MYOCD: variants seen among roughly 807,000 people sequenced by gnomAD.
MYOCD encodes the protein myocardin.
A neutral mutation model predicts 96.1 loss-of-function variants in MYOCD; 32 were observed. That is an observed-to-expected ratio of 0.33 (90% CI 0.25 to 0.45). The LOEUF (loss-of-function observed/expected upper bound fraction) is 0.45, where lower values mean the gene tolerates loss of function less well. MYOCD is among the 20% of genes least tolerant of loss of function. The pLI, the probability that MYOCD is intolerant of heterozygous loss-of-function variation, is 1.00. For missense variants in MYOCD, 1,133 were observed against 1,200.6 expected (o/e 0.94, Z 0.83); for synonymous variants, 469 against 469.0 (o/e 1.00, Z 0.00).
intron 1 of MYOCD, among the ~76,000 whole-genome samples, chr17:12,672,554 T>C (rs1433288845): frequency 1.3e-5 from 2 of 152,186 alleles, no homozygotes; most frequent in African/African-American, 2.4e-5. Flanking sequence ...TCCCCAGAAA[T>C]TTAGAATAAA....
intron 5 of MYOCD, among the ~76,000 whole-genome samples, chr17:12,725,810 T>C (rs1391919725): frequency 3.3e-5 from 5 of 152,084 alleles, no homozygotes. Context: ...TAGCCTTTGG[T>C]ATAGGATAGA....
intron 5 of MYOCD, among the ~76,000 whole-genome samples, chr17:12,730,446 C>CAAA (rs374306460): frequency 1.4e-5 from 1 of 70,536 alleles, no homozygotes; most frequent in African/African-American, 4.7e-5. Flanking sequence ...AACTCCATCT[C>CAAA]AAAAAAAAAA....
At chr17:12,709,499 C>A (rs1033712357) in intron 2 of MYOCD, among the ~76,000 whole-genome samples, 26 of 152,180 alleles carry the variant, frequency 1.7e-4, no homozygotes, top group Admixed American at 9.8e-4. Flanking sequence ...GGTTCTCAGA[C>A]CAGGTGCATT....
At chr17:12,754,344 C>T (rs913619976) in intron 10 of MYOCD, among the ~76,000 whole-genome samples, 5 of 152,298 alleles carry the variant, frequency 3.3e-5, no homozygotes, top group East Asian at 1.9e-4. Flanking sequence ...CCTCGTGATC[C>T]GCCCGCCTTG....
At chr17:12,762,929 T>C (rs909630753) in intron 13 of MYOCD, 144 bp from the exon 14 acceptor site, 7 of 641,698 alleles carry the variant, frequency 1.1e-5, no homozygotes, top group Non-Finnish European at 1.9e-5. Flanking sequence ...TGGAGATTGA[T>C]AGAGCAGCTT....
intron 12 of MYOCD, among the ~76,000 whole-genome samples, chr17:12,759,331 GACA>G (rs1473606673): frequency 1.3e-5 from 2 of 152,194 alleles, no homozygotes; most frequent in African/African-American, 4.8e-5. Flanking sequence ...ACTGCTGCGA[GACA>G]ACAATTGCCT....
At chr17:12,677,082 C>T (rs752638047) in intron 1 of MYOCD, among the ~76,000 whole-genome samples, 5 of 152,216 alleles carry the variant, frequency 3.3e-5, no homozygotes, top group East Asian at 3.9e-4. Flanking sequence ...TAAAAAAGAA[C>T]GAGATCATGT....
intron 1 of MYOCD, among the ~76,000 whole-genome samples, chr17:12,690,461 G>A (rs182783443): frequency 6.4e-4 from 98 of 152,050 alleles, no homozygotes; most frequent in Admixed American, 3.5e-3. Flanking sequence ...AGGAAAAAGG[G>A]ATTAAATAGA....
chr17:12,668,504 C>T (rs1217944761), intron 1 of MYOCD, among the ~76,000 whole-genome samples: 1 of 152,206 alleles, frequency 6.6e-6, no homozygotes, highest in Admixed American at 6.5e-5. Context: ...CCATGGCCGA[C>T]CAACTTTCTA....
intron 1 of MYOCD, among the ~76,000 whole-genome samples, chr17:12,683,032 G>A (rs568719713): frequency 1.3e-3 from 193 of 152,264 alleles, no homozygotes; most frequent in Non-Finnish European, 1.7e-3. Context: ...AGCGACTTGG[G>A]TGGAAATAAG....
chr17:12,700,065 G>A (rs1017493804), intron 1 of MYOCD, among the ~76,000 whole-genome samples: 1 of 150,372 alleles, frequency 6.7e-6, no homozygotes, highest in Non-Finnish European at 1.5e-5. Context: ...CCCACCACCA[G>A]GCCTGGCTAA....
intron 5 of MYOCD, among the ~76,000 whole-genome samples, chr17:12,728,057 G>A (rs1005710539): frequency 1.3e-5 from 2 of 152,142 alleles, no homozygotes; most frequent in Non-Finnish European, 2.9e-5. Flanking sequence ...GTAGAAAACC[G>A]CTTATCAGGC....
chr17:12,668,324 G>A (rs535711243), intron 1 of MYOCD, among the ~76,000 whole-genome samples: 3 of 152,170 alleles, frequency 2.0e-5, no homozygotes, highest in South Asian at 2.1e-4. Context: ...ATCTCACTGC[G>A]AATATTTGCT....
intron 1 of MYOCD, among the ~76,000 whole-genome samples, chr17:12,681,659 C>G (rs1047350434): frequency 6.6e-6 from 1 of 152,136 alleles, no homozygotes; most frequent in African/African-American, 2.4e-5. Flanking sequence ...GAAGCAGAGC[C>G]GGGACATCCC....
At chr17:12,743,486 C>CTTTTT (rs373893604) in intron 7 of MYOCD, among the ~76,000 whole-genome samples, 32 of 98,308 alleles carry the variant, frequency 3.3e-4, no homozygotes, top group Middle Eastern at 7.2e-3. Context: ...TATGAAAGTT[C>CTTTTT]TTTTTTTTTT....
At chr17:12,743,788 C>T (rs189903218) in intron 7 of MYOCD, among the ~76,000 whole-genome samples, 1 of 152,234 alleles carries the variant, frequency 6.6e-6, no homozygotes, top group Admixed American at 6.5e-5. Context: ...TGTGAGCCAT[C>T]GCTCCCAGCC....
chr17:12,758,462 C>CT, intron 12 of MYOCD, among the ~76,000 whole-genome samples: 1 of 152,364 alleles, frequency 6.6e-6, no homozygotes, highest in Non-Finnish European at 1.5e-5. Flanking sequence ...CCAGCTGCCA[C>CT]TGTCACTAAG....
Position 12,758,136 on chromosome 17 carries a change from T to C in MYOCD, c.2254T>C (p.Ser752Pro). Residue 752 changes from serine (S) to proline (P), a missense_variant, in exon 12 of 14, where the codon TCC becomes CCC. Coordinates refer to ENST00000425538, the MANE Select transcript of MYOCD (RefSeq NM_001146312.3). The part of the protein sequence containing the change: ...DKVGPKFSIP[S>P]PTFSKSSSAI... ...GGTGGGGCCAAAGTTTTCAATTCCA[T>C]CCCCAACTTTTTCTAAGTCAAGTTC... The C allele has an allele frequency of 6.2e-7, 1 of 1,614,102 alleles. No individual in the cohort carries two copies. The highest frequency in any genetic ancestry group is 1.3e-5 in the African/African-American group (1 of 75,028).
At chr17:12,734,410 G>A (rs1454308625) in intron 5 of MYOCD, among the ~76,000 whole-genome samples, 1 of 151,334 alleles carries the variant, frequency 6.6e-6, no homozygotes, top group Non-Finnish European at 1.5e-5. Flanking sequence ...AGAAAATGCA[G>A]TGACTTCTAG....
Sources: allele counts gnomAD v4.1 joint callset (sites outside exome capture counted in the v4.1 genomes callset), GRCh38; gene constraint gnomAD v4.1.1; transcripts MANE v1.5; gene names NCBI Gene and HGNC (gene_info 2026-07-23, HGNC 2026-07-21).